Variants in IVNS1ABP observed in about 807,000 individuals in gnomAD.
IVNS1ABP encodes the protein influenza virus NS1A binding protein.
A neutral mutation model predicts 78.9 loss-of-function variants in IVNS1ABP; 25 were observed. That is an observed-to-expected ratio of 0.32 (90% CI 0.23 to 0.44). The LOEUF is 0.44. Among genes scored for constraint, IVNS1ABP ranks in the 20% least tolerant of loss-of-function variants. The pLI, the probability that IVNS1ABP is intolerant of heterozygous loss-of-function variation, is 1.00. For synonymous variants in IVNS1ABP, 241 were observed against 259.7 expected (o/e 0.93, Z 0.69); for missense variants, 494 against 768.9 (o/e 0.64, Z 4.23).
At chr1:185,299,636 G>A (rs1224462154) in intron 14 of IVNS1ABP, 74 bp downstream of exon 14, 11 of 1,365,460 alleles carry the variant, frequency 8.1e-6, no homozygotes, top group Non-Finnish European at 1.2e-5. Flanking sequence ...ATAGTCATTG[G>A]CCTTTTCTCT....
At chr1:185,300,613 G>T in intron 10 of IVNS1ABP, 55 bp from the exon 11 acceptor site, 1 of 1,559,372 alleles carries the variant, frequency 6.4e-7, no homozygotes, top group South Asian at 1.2e-5. Flanking sequence ...ACTGGACCAC[G>T]GTTTCCAGTC....
chr1:185,301,892 T>C (rs1039913545), intron 8 of IVNS1ABP, among the ~76,000 whole-genome samples: 1 of 152,132 alleles, frequency 6.6e-6, no homozygotes, highest in African/African-American at 2.4e-5. Context: ...ATAGAATCTT[T>C]TAAAAGAATG....
chr1:185,316,372 C>G (rs1448756344), intron 1 of IVNS1ABP, among the ~76,000 whole-genome samples: 1 of 152,168 alleles, frequency 6.6e-6, no homozygotes, highest in African/African-American at 2.4e-5. Flanking sequence ...AAGCGGGCAA[C>G]GTGGAGCGGG....
At chr1:185,313,356 T>C (rs1383778999) in intron 1 of IVNS1ABP, among the ~76,000 whole-genome samples, 1 of 152,210 alleles carries the variant, frequency 6.6e-6, no homozygotes, top group East Asian at 1.9e-4. Context: ...ATCTCTTTAA[T>C]ATCTACTGAT....
intron 1 of IVNS1ABP, among the ~76,000 whole-genome samples, chr1:185,315,998 C>T (rs1218410610): frequency 2.0e-5 from 3 of 152,170 alleles, no homozygotes; most frequent in Non-Finnish European, 4.4e-5. Context: ...ATGTCCACTA[C>T]CTATTGGGGG....
At chr1:185,301,804 T>C (rs1665608545) in intron 8 of IVNS1ABP, 1 of 297,062 alleles carries the variant, frequency 3.4e-6, no homozygotes, top group Non-Finnish European at 6.2e-6. Context: ...AGCTCAGTTT[T>C]AACAATTTGA....
intron 7 of IVNS1ABP, chr1:185,306,569 C>T (rs2102818603): frequency 7.8e-7 from 1 of 1,275,984 alleles, no homozygotes; most frequent in Non-Finnish European, 1.0e-6. Flanking sequence ...CGTGTCAATA[C>T]ACTTGAGGTT....
At chr1:185,304,898 T>C (rs939418540) in intron 8 of IVNS1ABP, among the ~76,000 whole-genome samples, 1 of 152,180 alleles carries the variant, frequency 6.6e-6, no homozygotes, top group African/African-American at 2.4e-5. Flanking sequence ...TGTTCTCTAG[T>C]AATTGTTGAT....
Position 185,298,090 on chromosome 1 carries a change from A to T in IVNS1ABP, c.1874T>A (p.Val625Asp). ...CCATTCATTTGACTCAAGGTTATAG[A>T]CTTCCACCGTATTCAGAAATTCATT... ...DGNEFLNTVE[V>D]YNLESNEWSP... The change falls in exon 15 of 15, where the codon GTC (valine) becomes GAC (aspartate). Residue 625 changes from valine to aspartate, a missense_variant. Transcript: ENST00000367498. This position sits in a 1 kb window ranked among gnomAD's most constrained non-coding sequence, Gnocchi z 4.1. 6.2e-7 allele frequency: 1 copy of T among 1,613,700 alleles called. No homozygotes were observed.
Position 185,301,596 on chromosome 1 carries a change from G to C in IVNS1ABP, c.766-33C>G, listed in dbSNP as rs142086571. On this transcript the variant is annotated intron_variant, in intron 8 of 14. Coordinates refer to ENST00000367498, the MANE Select transcript of IVNS1ABP (RefSeq NM_006469.5). Reference sequence around the variant, plus strand: ...ATCAAAAGGTAGCTACAGAAACCTAGCCAAAGACCACATCTGATGTACCTT... The same window carrying C: ...ATCAAAAGGTAGCTACAGAAACCTACCCAAAGACCACATCTGATGTACCTT... The C allele has an allele frequency of 9.2e-5, 148 of 1,611,150 alleles. 1 individual carries two copies. In the African/African-American group the frequency reaches 1.8e-3, roughly 20 times the overall value.
chr1:185,310,183 CCTTT>C (rs755793273), intron 2 of IVNS1ABP, among the ~76,000 whole-genome samples: 1 of 152,194 alleles, frequency 6.6e-6, no homozygotes, highest in South Asian at 2.1e-4. Flanking sequence ...ATATTCTGTT[CCTTT>C]CTTTCATATA....
intron 8 of IVNS1ABP, 119 bp from the exon 9 acceptor site, chr1:185,301,682 A>G (rs1665604429): frequency 9.4e-6 from 10 of 1,059,594 alleles, no homozygotes; most frequent in Non-Finnish European, 1.1e-5. Flanking sequence ...TTTATAGGAC[A>G]CTAACTTTAA....
At chr1:185,310,603 AAAAAT>A (rs927125216) in intron 2 of IVNS1ABP, among the ~76,000 whole-genome samples, 35 of 152,238 alleles carry the variant, frequency 2.3e-4, no homozygotes, top group African/African-American at 7.2e-4. Context: ...TCCATCTTAA[AAAAAT>A]AAAATAAAAT....
rs139097733 is a variant in IVNS1ABP at position 185,300,293 on chromosome 1, A to G, written c.1293T>C (p.Ser431=). The G allele has an allele frequency of 2.0e-3, 3,209 of 1,613,420 alleles. 5 individuals carry two copies. Among genetic ancestry groups the G allele is most frequent in the Admixed American group, 2.6e-3 (153 of 59,846 alleles). ...GGSNGHSDDL[S]CGEMYDSNID... ...TGTTTGAATCATACATCTCTCCACA[A>G]CTCAGGTCATCTGAGTGGCCATTTG... Residue 431 remains serine, a synonymous_variant, in exon 12 of 15, where the codon AGT becomes AGC. Coordinates refer to ENST00000367498, the MANE Select transcript of IVNS1ABP (RefSeq NM_006469.5).
rs1432723514 is a variant in IVNS1ABP at position 185,300,508 on chromosome 1, G to A, written c.1171C>T (p.His391Tyr). The change falls in exon 11 of 15, where the codon CAT (histidine) becomes TAT (tyrosine). Residue 391 changes from histidine to tyrosine, a missense_variant. Transcript: ENST00000367498. ...GCAAGAAAGGACCAGTGATCTGTAT[G>A]TGGATTATAGCATTCGACTGTTCGA... Reference protein sequence around the residue: ...CLRTVECYNPHTDHWSFLAPM... With the variant: ...CLRTVECYNPYTDHWSFLAPM... 3.7e-6 allele frequency: 6 copies of A among 1,613,500 alleles called. No homozygotes were observed. Among genetic ancestry groups the A allele is most frequent in the South Asian group, 1.1e-5 (1 of 91,074 alleles).
intron 7 of IVNS1ABP, chr1:185,306,419 T>C (rs1571744862): frequency 1.1e-5 from 14 of 1,226,352 alleles, no homozygotes; most frequent in Non-Finnish European, 1.2e-5. Flanking sequence ...AGTGACTATA[T>C]GTATGAACAA....
Position 185,317,098 on chromosome 1 carries a change from C to A in IVNS1ABP, c.-392G>T. The stretch of plus-strand genomic sequence containing the variant: ...CAAGTAGAAGGACGAGGGGCCAGTC[C>A]GTGGAGACTGAAAGGAAGGGGGAGC... On this transcript the variant is annotated 5_prime_UTR_variant, in exon 1 of 15. Transcript: ENST00000367498. 1 of 398,474 alleles carries A rather than the reference C, an allele frequency of 2.5e-6. No individual in the cohort carries two copies. The highest frequency in any genetic ancestry group is 4.4e-6 in the Non-Finnish European group (1 of 226,076). The allele number at this position is 398,474 out of a possible 1,614,324, so 24.7% of individuals were successfully genotyped here. A position where few individuals can be genotyped will look rare whatever the true frequency, so the allele number is the denominator to read the frequency against.
chr1:185,297,836 A>G lies in IVNS1ABP; in HGVS notation c.*199T>C, dbSNP rs897188763. ...ATAACCAAAGTCTTAAAAGTACACA[A>G]AACAGACCTTCATCTTTGCATTCCT... On this transcript the variant is annotated 3_prime_UTR_variant, in exon 15 of 15. Coordinates refer to ENST00000367498, the MANE Select transcript of IVNS1ABP (RefSeq NM_006469.5). The G allele has an allele frequency of 3.6e-6, 2 of 559,614 alleles. No individual in the cohort carries two copies. The highest frequency in any genetic ancestry group is 1.9e-5 in the African/African-American group (1 of 53,128). 34.7% of individuals were successfully genotyped at this position (559,614 alleles called of 1,614,324 possible).
rs987623003 is a variant in IVNS1ABP at position 185,296,462 on chromosome 1, C to T, written c.*1573G>A. The T allele has an allele frequency of 6.6e-6, 1 of 152,204 alleles. No homozygotes were observed. The highest frequency in any genetic ancestry group is 2.4e-5 in the African/African-American group (1 of 41,558). The allele number at this position is 152,204 out of a possible 1,614,324, so 9.4% of individuals were successfully genotyped here. The stretch of plus-strand genomic sequence containing the variant: ...AACACATACAGATCCATATTAAAAA[C>T]AGTCATCATATTAGGCAAATTCAAT... On this transcript the variant is annotated 3_prime_UTR_variant, in exon 15 of 15. Transcript: ENST00000367498.
Sources: allele counts gnomAD v4.1 joint callset (sites outside exome capture counted in the v4.1 genomes callset), GRCh38; gene constraint gnomAD v4.1.1; non-coding constraint Gnocchi (gnomAD v3.1); transcripts MANE v1.5; gene names NCBI Gene and HGNC (gene_info 2026-07-23, HGNC 2026-07-21).